The following WDR59 variants were observed in gnomAD, a reference collection of about 807,000 sequenced individuals.
WDR59 encodes the protein GATOR2 complex protein WDR59.
In WDR59, 100 loss-of-function variants were observed where a neutral mutation model predicts 131.2. The ratio of observed to expected loss-of-function variants is 0.76; its 90% confidence interval spans 0.65 to 0.90. The LOEUF (loss-of-function observed/expected upper bound fraction) is 0.90, where lower values mean the gene tolerates loss of function less well. WDR59 is among the 40% of genes least tolerant of loss of function. The probability of loss-of-function intolerance (pLI) is 0.00; values close to 1 mark genes in which losing one functional copy is unlikely to be tolerated. For synonymous variants in WDR59, 601 were observed against 466.2 expected (o/e 1.29, Z -3.72); for missense variants, 1,203 against 1,262.2 (o/e 0.95, Z 0.71).
intron 8 of WDR59, among the ~76,000 whole-genome samples, chr16:74,932,542 G>A (rs2031480019): frequency 1.3e-5 from 2 of 151,982 alleles, no homozygotes; most frequent in South Asian, 2.1e-4. Context: ...AGGTTGGAGT[G>A]CAGTGGTGTG....
At chr16:74,944,193 C>A (rs914089675) in intron 6 of WDR59, among the ~76,000 whole-genome samples, 1 of 152,108 alleles carries the variant, frequency 6.6e-6, no homozygotes, top group Non-Finnish European at 1.5e-5. Flanking sequence ...AGGCCAGGCG[C>A]AGTGGCTTGC....
At chr16:74,908,842 T>G in intron 17 of WDR59, 66 bp downstream of exon 17, 1 of 1,404,644 alleles carries the variant, frequency 7.1e-7, no homozygotes, top group South Asian at 1.2e-5. Flanking sequence ...TCAGTGGTCC[T>G]TCCCAGGTCT....
At chr16:74,946,347 A>C (rs2032636848) in intron 6 of WDR59, among the ~76,000 whole-genome samples, 1 of 152,180 alleles carries the variant, frequency 6.6e-6, no homozygotes, top group Non-Finnish European at 1.5e-5. Context: ...CTGTATTACT[A>C]TATTAAGTAT....
intron 8 of WDR59, among the ~76,000 whole-genome samples, chr16:74,929,618 T>C (rs2031198870): frequency 6.6e-6 from 1 of 152,126 alleles, no homozygotes; most frequent in Non-Finnish European, 1.5e-5. Flanking sequence ...GAGAACAGTA[T>C]GGTGATTCCT....
At chr16:74,939,690 T>C (rs780317060) in intron 7 of WDR59, among the ~76,000 whole-genome samples, 19 of 152,086 alleles carry the variant, frequency 1.2e-4, no homozygotes, top group Non-Finnish European at 2.8e-4. Flanking sequence ...TCTATGAGGA[T>C]AAGAGTGCAG....
At chr16:74,893,365 C>T (rs1032695263) in intron 19 of WDR59, among the ~76,000 whole-genome samples, 1 of 152,124 alleles carries the variant, frequency 6.6e-6, no homozygotes, top group Non-Finnish European at 1.5e-5. Context: ...ACAACCTGAA[C>T]AAGCTTGGAA....
chr16:74,981,658 A>ATTTTTTTTTTTTTTTTTTTTTTT (rs2034430352), intron 1 of WDR59, among the ~76,000 whole-genome samples: 3 of 75,522 alleles, frequency 4.0e-5, no homozygotes, highest in African/African-American at 2.4e-4. Context: ...ATATATATAT[A>ATTTTTTTTTTTTTTTTTTTTTTT]TATTTTTTTT....
At chr16:74,942,885 G>GAGCAC (rs2032341491) in intron 6 of WDR59, 59 bp from the exon 7 acceptor site, 8 of 1,506,758 alleles carry the variant, frequency 5.3e-6, no homozygotes, top group Non-Finnish European at 7.3e-6. Flanking sequence ...AAGCAGAGCA[G>GAGCAC]AGCACAGCCA....
chr16:74,871,601 A>T lies in WDR59; in HGVS notation c.*2608T>A, dbSNP rs1964012837. 6.6e-6 allele frequency: 1 copy of T among 152,216 alleles called. No individual in the cohort carries two copies. The highest frequency in any genetic ancestry group is 6.5e-5 in the Admixed American group (1 of 15,286). The allele number at this position is 152,216 out of a possible 1,614,324, so 9.4% of individuals were successfully genotyped here. A position where few individuals can be genotyped will look rare whatever the true frequency, so the allele number is the denominator to read the frequency against. Reference sequence around the variant, plus strand: ...GAAAGTCAATGTTCCTCCAACAATAAAACAAGAAAAACATCTCATTCTTGA... The same window carrying T: ...GAAAGTCAATGTTCCTCCAACAATATAACAAGAAAAACATCTCATTCTTGA... On this transcript the variant is annotated 3_prime_UTR_variant, in exon 26 of 26. Transcript: ENST00000262144.
rs1399556861 is a variant in WDR59, at chr16:74,916,165, G to C, written c.1061C>G (p.Thr354Arg). 5 of 1,614,164 alleles carry C rather than the reference G, an allele frequency of 3.1e-6. No homozygotes were observed. In the Admixed American group the frequency reaches 5.0e-5, roughly 16 times the overall value. ...EPEKTLHTED[T>R]DHQHTASHGE... The stretch of plus-strand genomic sequence containing the variant: ...ATGGCTTGCAGTGTGCTGGTGATCT[G>C]TATCTTCAGTGTGCAGGGTCTTCTC... Residue 354 changes from threonine to arginine, a missense_variant, in exon 12 of 26, where the codon ACA becomes AGA. By Grantham distance (71) the Thr-to-Arg change is moderately conservative (BLOSUM62 -1). Coordinates refer to ENST00000262144, the MANE Select transcript of WDR59 (RefSeq NM_030581.4).
At chr16:74,968,393 G>C (rs2033856741) in intron 1 of WDR59, among the ~76,000 whole-genome samples, 1 of 152,148 alleles carries the variant, frequency 6.6e-6, no homozygotes, top group Non-Finnish European at 1.5e-5. Flanking sequence ...CTGACCTACA[G>C]AACTGTGAGC....
At chr16:74,917,372 C>A (rs1221358108) in intron 11 of WDR59, among the ~76,000 whole-genome samples, 1 of 152,210 alleles carries the variant, frequency 6.6e-6, no homozygotes, top group Non-Finnish European at 1.5e-5. Context: ...GCTACCCATA[C>A]TATCTTATGC....
chr16:74,974,487 A>G (rs1334479721), intron 1 of WDR59, among the ~76,000 whole-genome samples: 2 of 152,168 alleles, frequency 1.3e-5, no homozygotes, highest in East Asian at 3.8e-4. Flanking sequence ...GCTAGTCTAC[A>G]AGGTAGTATG....
Position 74,874,155 on chromosome 16 carries a change from C to A in WDR59, c.*54G>T. 2 of 1,467,932 alleles carry A rather than the reference C, an allele frequency of 1.4e-6. No homozygotes were observed. Among genetic ancestry groups the A allele is most frequent in the Non-Finnish European group, 1.9e-6 (2 of 1,072,806 alleles). The allele number at this position is 1,467,932 out of a possible 1,614,324, so 90.9% of individuals were successfully genotyped here. A position where few individuals can be genotyped will look rare whatever the true frequency, so the allele number is the denominator to read the frequency against. ...GCCTCTCCCCTGACAGACAGCTTGT[C>A]ACCGGCACTTATGGGTCCTCTGGGA... On this transcript the variant is annotated 3_prime_UTR_variant, in exon 26 of 26. Transcript: ENST00000262144.
intron 6 of WDR59, 32 bp downstream of exon 6, chr16:74,948,487 G>A (rs372560769): frequency 1.9e-5 from 30 of 1,603,974 alleles, no homozygotes; most frequent in African/African-American, 5.4e-5. Context: ...AAACCAAGGC[G>A]CCAGGGTGAG....
At chr16:74,960,769 A>G (rs561254679) in intron 2 of WDR59, among the ~76,000 whole-genome samples, 126 of 150,836 alleles carry the variant, frequency 8.4e-4, no homozygotes, top group South Asian at 2.1e-3. Context: ...AAAAAAAAAA[A>G]AGAGAGAGAG....
chr16:74,899,936 G>C (rs1965469759), intron 18 of WDR59, among the ~76,000 whole-genome samples: 2 of 152,142 alleles, frequency 1.3e-5, no homozygotes, highest in African/African-American at 4.8e-5. Context: ...GCGGAATTCG[G>C]CTTCCCTCAC....
At chr16:74,973,177 G>T (rs2034055629) in intron 1 of WDR59, among the ~76,000 whole-genome samples, 1 of 152,002 alleles carries the variant, frequency 6.6e-6, no homozygotes, top group African/African-American at 2.4e-5. Flanking sequence ...GGAGGTAGAG[G>T]TTGCAGTGAG....
chr16:74,903,833 G>C, intron 18 of WDR59, 114 bp downstream of exon 18: 1 of 1,300,394 alleles, frequency 7.7e-7, no homozygotes, highest in East Asian at 2.5e-5. Context: ...AACTGATTAC[G>C]AAAGTGAAAG....
Sources: gnomAD v4.1 joint callset for allele counts (sites outside exome capture counted in the v4.1 genomes callset) on GRCh38, gnomAD v4.1.1 for gene constraint, MANE v1.5 for transcripts, NCBI Gene and HGNC (gene_info 2026-07-23, HGNC 2026-07-21) for gene names.